The following RNF111 variants were observed in gnomAD, a reference collection of about 807,000 sequenced individuals.
RNF111 encodes the protein ring finger protein 111.
In RNF111, 17 loss-of-function variants were observed where a neutral mutation model predicts 95.1. The ratio of observed to expected loss-of-function variants is 0.18; its 90% CI spans 0.12 to 0.27. The LOEUF is 0.27. RNF111 is among the 10% of genes least tolerant of loss of function. The probability of loss-of-function intolerance (pLI) is 1.00; values close to 1 mark genes in which losing one functional copy is unlikely to be tolerated. For missense variants in RNF111, 1,189 were observed against 1,210.4 expected (o/e 0.98, Z 0.26); for synonymous variants, 440 against 414.8 (o/e 1.06, Z -0.74).
chr15:59,089,896 G>T, intron 11 of RNF111, 137 bp downstream of exon 11: 1 of 565,940 alleles, frequency 1.8e-6, no homozygotes, highest in South Asian at 3.1e-5. Flanking sequence ...GTTGCTTCTG[G>T]GAGTTACAGA....
Position 58,990,517 on chromosome 15 carries a change from G to A in RNF111, c.-20+2449G>A, listed in dbSNP as rs143562149. On this transcript the variant is annotated intron_variant, in intron 1 of 13. Transcript: ENST00000348370. ...TACAAAAAATTAGCCGAGCTTAGTG[G>A]TGTGCGCCTGTAGTCCCAGCTGCCT... 6.1e-4 allele frequency among the ~76,000 whole-genome samples: 93 copies of A among 152,296 alleles called. 2 individuals carry two copies. The highest frequency in any genetic ancestry group is 1.5e-5 in the Non-Finnish European group (1 of 68,028).
intron 2 of RNF111, among the ~76,000 whole-genome samples, chr15:59,051,072 C>T (rs1446822524): frequency 6.6e-6 from 1 of 152,048 alleles, no homozygotes; most frequent in Non-Finnish European, 1.5e-5. Flanking sequence ...AGACTTGGAC[C>T]AACTCTAATT....
At chr15:59,078,552 T>TAA (rs56959347) in intron 7 of RNF111, among the ~76,000 whole-genome samples, 223 of 94,380 alleles carry the variant, frequency 2.4e-3, no homozygotes, top group African/African-American at 7.0e-3. Flanking sequence ...AACCTGTCTC[T>TAA]AAAAAAAAAA....
At chr15:59,012,126 C>T (rs1413410382) in intron 1 of RNF111, among the ~76,000 whole-genome samples, 3 of 141,304 alleles carry the variant, frequency 2.1e-5, no homozygotes, top group African/African-American at 7.8e-5. Flanking sequence ...TCAGGTGATT[C>T]TCATGCCTCA....
chr15:59,058,304 C>T, intron 4 of RNF111, 52 bp from the exon 5 acceptor site: 1 of 1,388,330 alleles, frequency 7.2e-7, no homozygotes, highest in Non-Finnish European at 1.0e-6. Flanking sequence ...TAAAATATAA[C>T]CCTTTATCTA....
Position 59,081,017 on chromosome 15 carries a change from C to G in RNF111, c.2030C>G (p.Pro677Arg), listed in dbSNP as rs1376608232. Reference sequence around the variant, plus strand: ...GGAAACCCCCCTCCTCAGACTCAGCCTCCGCCTCAAGTGGATTATGTTATT... The same window carrying G: ...GGAAACCCCCCTCCTCAGACTCAGCGTCCGCCTCAAGTGGATTATGTTATT... ...SHGNPPPQTQ[P>R]PPQVDYVIPH... Residue 677 changes from proline to arginine, a missense_variant, in exon 8 of 14, where the codon CCT becomes CGT. By Grantham distance (103) the Pro-to-Arg change is moderately radical. Coordinates refer to ENST00000348370, the MANE Select transcript of RNF111 (RefSeq NM_017610.8). The G allele has an allele frequency of 3.5e-5, 56 of 1,614,156 alleles. No homozygotes were observed. The highest frequency in any genetic ancestry group is 4.7e-5 in the Non-Finnish European group (55 of 1,180,016).
At chr15:59,025,592 A>G (rs2040560548) in intron 1 of RNF111, among the ~76,000 whole-genome samples, 1 of 152,210 alleles carries the variant, frequency 6.6e-6, no homozygotes, top group Non-Finnish European at 1.5e-5. Flanking sequence ...ACCCCAAGTG[A>G]TATCCCTGTA....
intron 1 of RNF111, among the ~76,000 whole-genome samples, chr15:59,012,759 G>A (rs1209769267): frequency 1.4e-5 from 2 of 139,824 alleles, no homozygotes; most frequent in Admixed American, 7.5e-5. Context: ...TTTTTTTTGA[G>A]ACAGAGTCTT....
At chr15:59,021,802 C>CTTG (rs1428565797) in intron 1 of RNF111, among the ~76,000 whole-genome samples, 2 of 152,112 alleles carry the variant, frequency 1.3e-5, no homozygotes, top group Admixed American at 1.3e-4. Context: ...CATAATTTCA[C>CTTG]TTGTTTCCTA....
intron 1 of RNF111, among the ~76,000 whole-genome samples, chr15:58,989,732 T>C (rs2038727707): frequency 6.6e-6 from 1 of 152,344 alleles, no homozygotes; most frequent in East Asian, 1.9e-4. Flanking sequence ...AGAGCTGTTG[T>C]GATGTTTAAG....
At chr15:59,042,030 A>G (rs2041483321) in intron 2 of RNF111, among the ~76,000 whole-genome samples, 1 of 142,642 alleles carries the variant, frequency 7.0e-6, no homozygotes, top group Non-Finnish European at 1.5e-5. Context: ...CCATTTTTAG[A>G]AGCTTTTTAT....
At chr15:59,068,638 T>C (rs2042773649) in intron 6 of RNF111, among the ~76,000 whole-genome samples, 1 of 151,896 alleles carries the variant, frequency 6.6e-6, no homozygotes, top group Non-Finnish European at 1.5e-5. Context: ...AGATGGAGTG[T>C]CACTCTTGTT....
intron 6 of RNF111, among the ~76,000 whole-genome samples, 192 bp from the exon 7 acceptor site, chr15:59,075,762 G>A (rs765485408): frequency 6.6e-6 from 1 of 152,030 alleles, no homozygotes; most frequent in Non-Finnish European, 1.5e-5. Context: ...CACAATCCAG[G>A]ATACACTTGT....
At chr15:59,029,729 G>A (rs925996523) in intron 1 of RNF111, among the ~76,000 whole-genome samples, 2 of 152,166 alleles carry the variant, frequency 1.3e-5, no homozygotes, top group Admixed American at 1.3e-4. Context: ...TTACAATAGT[G>A]GTTAACAGTT....
intron 1 of RNF111, among the ~76,000 whole-genome samples, chr15:58,996,649 C>CTTTTTTTTTTTTTTTTT (rs60350601): frequency 3.0e-5 from 3 of 100,772 alleles, no homozygotes; most frequent in African/African-American, 7.8e-5. Flanking sequence ...TCAGTACTTT[C>CTTTTTTTTTTTTTTTTT]TTTTTTTTTT....
intron 5 of RNF111, among the ~76,000 whole-genome samples, chr15:59,064,734 C>T (rs1289147221): frequency 6.6e-6 from 1 of 151,770 alleles, no homozygotes; most frequent in Non-Finnish European, 1.5e-5. Flanking sequence ...CCCCCATAGG[C>T]CAGACTAGCA....
chr15:59,036,191 G>A (rs962452259), intron 2 of RNF111, among the ~76,000 whole-genome samples: 2 of 152,052 alleles, frequency 1.3e-5, no homozygotes, highest in Non-Finnish European at 2.9e-5. Flanking sequence ...CTGAGTAGCT[G>A]GGATGACAGG....
At chr15:59,067,418 C>G (rs2042713350) in intron 6 of RNF111, among the ~76,000 whole-genome samples, 2 of 151,958 alleles carry the variant, frequency 1.3e-5, no homozygotes, top group South Asian at 4.1e-4. Context: ...GGAGTAACTA[C>G]TTGCGTTAAA....
rs948276538 is a variant in RNF111 at position 59,094,991 on chromosome 15, T to C, written c.*91T>C. ...AGATGGCATGACTTACCTGCGCAGA[T>C]TTGGAAGCATTGAACTTAGAGTGCT... On this transcript the variant is annotated 3_prime_UTR_variant, in exon 14 of 14. Transcript: ENST00000348370. 1.2e-6 allele frequency: 1 copy of C among 802,226 alleles called. No homozygotes were observed. The highest frequency in any genetic ancestry group is 2.2e-6 in the Non-Finnish European group (1 of 451,150). The allele number at this position is 802,226 out of a possible 1,614,324, so 49.7% of individuals were successfully genotyped here.
Sources: allele counts gnomAD v4.1 joint callset (sites outside exome capture counted in the v4.1 genomes callset), GRCh38; gene constraint gnomAD v4.1.1; transcripts MANE v1.5; gene names NCBI Gene and HGNC (gene_info 2026-07-23, HGNC 2026-07-21).